Variants in CHODL observed in about 807,000 individuals in gnomAD.
The protein encoded by CHODL is chondrolectin.
CHODL carries 29 observed loss-of-function variants against 34.5 expected under a neutral mutation model. That is an observed-to-expected ratio of 0.84 (90% CI 0.63 to 1.15). The LOEUF (loss-of-function observed/expected upper bound fraction) is 1.15, where lower values mean the gene tolerates loss of function less well. Among genes scored for constraint, CHODL ranks in the 50% most tolerant of loss-of-function variants. CHODL has a pLI of 0.00. For missense variants in CHODL, 332 were observed against 332.5 expected (o/e 1.00, Z 0.01); for synonymous variants, 125 against 116.1 (o/e 1.08, Z -0.49).
chr21:17,966,282 T>C (rs927454742), intron 1 of CHODL, among the ~76,000 whole-genome samples: 1 of 152,208 alleles, frequency 6.6e-6, no homozygotes, highest in Admixed American at 6.5e-5. Context: ...TCTAACAGAT[T>C]GTGGATTATT....
At chr21:18,169,971 C>T (rs924760274) in intron 2 of CHODL, among the ~76,000 whole-genome samples, 19 of 151,786 alleles carry the variant, frequency 1.3e-4, no homozygotes, top group African/African-American at 3.4e-4. Flanking sequence ...TGGTGTTGTT[C>T]GATTCTCGCA....
chr21:18,265,860 T>A (rs2074453557), intron 5 of CHODL, 94 bp from the exon 6 acceptor site: 7 of 980,196 alleles, frequency 7.1e-6, no homozygotes, highest in Middle Eastern at 3.2e-4. Flanking sequence ...GAGTCTTTCA[T>A]AAATAACTGT....
intron 2 of CHODL, among the ~76,000 whole-genome samples, chr21:18,155,677 A>G (rs1273777600): frequency 6.6e-6 from 1 of 152,182 alleles, no homozygotes. Flanking sequence ...TATTTATATA[A>G]CACTTTAGTC....
chr21:18,193,974 C>G (rs1052338830), intron 2 of CHODL, among the ~76,000 whole-genome samples: 1 of 152,036 alleles, frequency 6.6e-6, no homozygotes, highest in Admixed American at 6.6e-5. Context: ...TTTCCTCACT[C>G]TCTCCTGCCA....
At chr21:18,135,670 A>T (rs1299354500) in intron 2 of CHODL, among the ~76,000 whole-genome samples, 4 of 152,286 alleles carry the variant, frequency 2.6e-5, no homozygotes, top group Non-Finnish European at 4.4e-5. Context: ...TATCTGTTAG[A>T]GTGGGGTATC....
At chr21:18,177,462 A>G (rs940221227) in intron 2 of CHODL, among the ~76,000 whole-genome samples, 2 of 152,114 alleles carry the variant, frequency 1.3e-5, no homozygotes. Flanking sequence ...AGCATAATTC[A>G]TGGCACACAA....
chr21:18,158,383 T>A (rs2146638596), intron 2 of CHODL, among the ~76,000 whole-genome samples: 1 of 152,292 alleles, frequency 6.6e-6, no homozygotes, highest in East Asian at 1.9e-4. Flanking sequence ...TCATTATTGA[T>A]GTTGCTTTGC....
intron 3 of CHODL, among the ~76,000 whole-genome samples, chr21:18,257,485 G>A (rs2074331774): frequency 6.6e-6 from 1 of 152,116 alleles, no homozygotes; most frequent in African/African-American, 2.4e-5. Flanking sequence ...AGTTACCAAA[G>A]CACCTATAGA....
chr21:18,022,757 A>C (rs553079179), intron 1 of CHODL, among the ~76,000 whole-genome samples: 2 of 152,186 alleles, frequency 1.3e-5, no homozygotes, highest in Non-Finnish European at 2.9e-5. Context: ...TCTAAACTCA[A>C]TTCAACATGC....
chr21:18,031,473 T>A (rs890950427), intron 2 of CHODL, among the ~76,000 whole-genome samples: 2 of 152,078 alleles, frequency 1.3e-5, no homozygotes, highest in Non-Finnish European at 2.9e-5. Context: ...TGGGGTAATT[T>A]TATCTAATAT....
intron 2 of CHODL, among the ~76,000 whole-genome samples, chr21:18,109,623 T>C (rs1297419764): frequency 6.6e-6 from 1 of 152,006 alleles, no homozygotes; most frequent in Non-Finnish European, 1.5e-5. Flanking sequence ...TACATGCTTG[T>C]TTTTTTTCCC....
intron 1 of CHODL, among the ~76,000 whole-genome samples, chr21:17,934,705 T>A (rs2063305472): frequency 1.3e-5 from 2 of 152,300 alleles, no homozygotes; most frequent in South Asian, 4.1e-4. Context: ...TGGCAAAATG[T>A]CTATAATATT....
At chr21:18,016,462 G>GA (rs973812742) in intron 1 of CHODL, among the ~76,000 whole-genome samples, 6 of 152,120 alleles carry the variant, frequency 3.9e-5, no homozygotes, top group African/African-American at 1.2e-4. Context: ...CCAGGCAGAA[G>GA]AAAAAAAGAA....
rs1448089098 is a variant in CHODL, at chr21:18,266,947, C to G, written c.*909C>G. On this transcript the variant is annotated 3_prime_UTR_variant, in exon 6 of 6. Transcript: ENST00000299295. ...GTTCTGAAATCAATGTGGTCCCTCT[C>G]TTGCCCACTAAACAAAGATGGTTGT... 1 of 152,250 alleles carries G rather than the reference C, an allele frequency of 6.6e-6. No individual in the cohort carries two copies. The highest frequency in any genetic ancestry group is 1.9e-4 in the East Asian group (1 of 5,190). The allele number at this position is 152,250 out of a possible 1,614,324, so 9.4% of individuals were successfully genotyped here. A position where few individuals can be genotyped will look rare whatever the true frequency, so the allele number is the denominator to read the frequency against.
At chr21:18,221,751 C>A (rs753962223) in intron 2 of CHODL, among the ~76,000 whole-genome samples, 3 of 152,154 alleles carry the variant, frequency 2.0e-5, no homozygotes, top group Non-Finnish European at 4.4e-5. Context: ...TCCTCAGGAC[C>A]CTAGATGGCA....
chr21:18,162,225 T>C lies in CHODL; in HGVS notation c.-44-94284T>C, dbSNP rs567125909. Among the ~76,000 whole-genome samples the C allele has an allele frequency of 2.0e-5, 3 of 152,260 alleles. No individual in the cohort carries two copies. In the South Asian group the frequency reaches 6.2e-4, roughly 32 times the overall value. Reference sequence around the variant, plus strand: ...TGGCATAAACAACAGAAATTTATTGTCTCATGGTTACGGAGGCTAAAAGCC... The same window carrying C: ...TGGCATAAACAACAGAAATTTATTGCCTCATGGTTACGGAGGCTAAAAGCC... On this transcript the variant is annotated intron_variant, in intron 2 of 6. Transcript: ENST00000400127.
chr21:17,934,962 C>A (rs1280859547), intron 1 of CHODL, among the ~76,000 whole-genome samples: 2 of 152,136 alleles, frequency 1.3e-5, no homozygotes, highest in African/African-American at 4.8e-5. Flanking sequence ...CTAAGGGGAA[C>A]AAAAATATAA....
At chr21:18,067,204 T>C (rs1037594798) in intron 2 of CHODL, among the ~76,000 whole-genome samples, 12 of 152,204 alleles carry the variant, frequency 7.9e-5, no homozygotes, top group Admixed American at 3.3e-4. Context: ...CTTTGGGAGA[T>C]GAGTATAAAC....
intron 2 of CHODL, among the ~76,000 whole-genome samples, chr21:18,035,984 T>C (rs3133060): frequency 0.15 from 22,321 of 152,016 alleles, 1,817 homozygotes; most frequent in Middle Eastern, 0.24. Context: ...TTGGTAATTC[T>C]TACTTGGCTG....
Sources: allele counts gnomAD v4.1 joint callset (sites outside exome capture counted in the v4.1 genomes callset), GRCh38; gene constraint gnomAD v4.1.1; transcripts MANE v1.5; gene names NCBI Gene and HGNC (gene_info 2026-07-23, HGNC 2026-07-21).